EYS: variants seen among roughly 807,000 people sequenced by gnomAD.
EYS encodes the protein EGF-like photoreceptor maintenance factor.
A neutral mutation model predicts 282.1 loss-of-function variants in EYS; 250 were observed. That is an observed-to-expected ratio of 0.89 (90% CI 0.80 to 0.98). EYS has a LOEUF of 0.98. EYS is among the 50% of genes least tolerant of loss of function. The pLI is 0.00. For synonymous variants in EYS, 1,355 were observed against 1,282.9 expected (o/e 1.06, Z -1.20); for missense variants, 4,016 against 3,709.0 (o/e 1.08, Z -2.15).
At position 64,887,475 on chromosome 6, in the gene EYS, A is replaced by G. The variant is rs1767133883; in HGVS notation, c.2847-633T>C. Among the ~76,000 whole-genome samples the G allele has an allele frequency of 2.0e-5, 3 of 152,236 alleles. No individual in the cohort carries two copies. The South Asian group carries it at 6.2e-4, about 32-fold the overall frequency. On this transcript the variant is annotated intron_variant, in intron 18 of 42. Transcript: ENST00000503581. The stretch of plus-strand genomic sequence containing the variant: ...AAAAGAAATAATTTCCAAAGGAGAT[A>G]TTAAACTGATCGAAACTGTATACTT...
intron 12 of EYS, among the ~76,000 whole-genome samples, chr6:65,172,441 A>C (rs1424581750): frequency 1.3e-5 from 2 of 151,446 alleles, no homozygotes; most frequent in Non-Finnish European, 3.0e-5. Flanking sequence ...CCCAAAGCCT[A>C]TGATATTGGC....
At position 64,816,160 on chromosome 6, in the gene EYS, C is replaced by G. The variant is rs117415143; in HGVS notation, c.3244-2583G>C. 1.4e-4 allele frequency among the ~76,000 whole-genome samples: 22 copies of G among 152,202 alleles called. No homozygotes were observed. In the East Asian group the frequency reaches 4.1e-3, roughly 28 times the overall value. ...AGGGAAACAGATACAGAGAGAACTA[C>G]TATTTGAAGAGTGGGAACAGAACAC... On this transcript the variant is annotated intron_variant, in intron 21 of 42. Transcript: ENST00000503581.
intron 30 of EYS, among the ~76,000 whole-genome samples, chr6:64,269,118 T>C (rs539663669): frequency 1.5e-4 from 23 of 152,272 alleles, no homozygotes; most frequent in African/African-American, 5.5e-4. Context: ...TTCATCATTG[T>C]CTACCAACTA....
At chr6:64,724,459 C>T (rs1468025444) in intron 22 of EYS, among the ~76,000 whole-genome samples, 1 of 152,168 alleles carries the variant, frequency 6.6e-6, no homozygotes, top group African/African-American at 2.4e-5. Context: ...CTTCATATTT[C>T]ACAGACTCTT....
chr6:64,123,031 T>C (rs1457649376), intron 31 of EYS, among the ~76,000 whole-genome samples: 2 of 152,140 alleles, frequency 1.3e-5, no homozygotes, highest in African/African-American at 2.4e-5. Context: ...TTTAAAGAAT[T>C]TACAGTCTAA....
chr6:65,369,389 G>A (rs2150340246), intron 8 of EYS, among the ~76,000 whole-genome samples: 1 of 146,078 alleles, frequency 6.8e-6, no homozygotes, highest in Non-Finnish European at 1.5e-5. Context: ...AACAAAGCAA[G>A]AAAATAACAA....
intron 2 of EYS, among the ~76,000 whole-genome samples, chr6:65,527,614 C>G (rs1029233106): frequency 1.3e-5 from 2 of 152,240 alleles, no homozygotes; most frequent in African/African-American, 2.4e-5. Flanking sequence ...CAGATGCCTT[C>G]TCATCCAAAA....
chr6:64,392,739 C>T (rs928961427), intron 28 of EYS, among the ~76,000 whole-genome samples: 2 of 146,252 alleles, frequency 1.4e-5, no homozygotes, highest in Admixed American at 6.8e-5. Flanking sequence ...AGAGCAAACA[C>T]TTTCAAAAGC....
At chr6:65,195,515 A>T (rs1765743459) in intron 12 of EYS, among the ~76,000 whole-genome samples, 1 of 152,024 alleles carries the variant, frequency 6.6e-6, no homozygotes, top group African/African-American at 2.4e-5. Context: ...TTTAAAAAGA[A>T]CTCACAGTGA....
intron 26 of EYS, among the ~76,000 whole-genome samples, chr6:64,475,550 CAAAAAAAAA>C (rs56710433): frequency 1.4e-4 from 6 of 43,888 alleles, no homozygotes; most frequent in South Asian, 7.6e-4. Flanking sequence ...GACTCCGTCT[CAAAAAAAAA>C]AAAAAAAAAA....
At chr6:65,213,138 G>C (rs1177962910) in intron 12 of EYS, among the ~76,000 whole-genome samples, 2 of 151,996 alleles carry the variant, frequency 1.3e-5, no homozygotes, top group Non-Finnish European at 2.9e-5. Context: ...ATGTGATGCT[G>C]ATAAACTGAA....
chr6:64,963,927 T>G (rs138489653), intron 14 of EYS, among the ~76,000 whole-genome samples: 1 of 152,138 alleles, frequency 6.6e-6, no homozygotes, highest in Admixed American at 6.6e-5. Context: ...TACAATATAT[T>G]ATGTTGTACT....
chr6:63,924,936 G>C lies in EYS; in HGVS notation c.7055+59447C>G, dbSNP rs147034488. Among the ~76,000 whole-genome samples the C allele has an allele frequency of 2.5e-3, 376 of 152,320 alleles. 4 individuals are homozygous for C. The highest frequency in any genetic ancestry group is 0.021 in the Admixed American group (318 of 15,298). ...TGCCACTGATTGCGTGGGGAACTAA[G>C]AAGTGAGATTTTCTTCACCACTACC... On this transcript the variant is annotated intron_variant, in intron 35 of 42. Transcript: ENST00000503581.
chr6:65,224,230 A>T (rs1766556075), intron 12 of EYS, among the ~76,000 whole-genome samples: 1 of 152,194 alleles, frequency 6.6e-6, no homozygotes, highest in Non-Finnish European at 1.5e-5. Flanking sequence ...TAGGGATCAC[A>T]ATGAAATAAG....
intron 11 of EYS, among the ~76,000 whole-genome samples, chr6:65,319,204 CAAAAAAAAA>C (rs55687610): frequency 2.3e-5 from 1 of 44,396 alleles, no homozygotes; most frequent in Non-Finnish European, 4.0e-5. Context: ...ACTAAAAATG[CAAAAAAAAA>C]AAAAAAAAAA....
chr6:65,426,933 A>C (rs1327600549), intron 5 of EYS, among the ~76,000 whole-genome samples: 1 of 152,120 alleles, frequency 6.6e-6, no homozygotes, highest in Non-Finnish European at 1.5e-5. Context: ...TTTAATTATT[A>C]GAAGTTCTTA....
intron 12 of EYS, among the ~76,000 whole-genome samples, chr6:65,121,957 CACTAAA>C (rs1775566009): frequency 6.6e-6 from 1 of 151,718 alleles, no homozygotes; most frequent in Admixed American, 6.6e-5. Flanking sequence ...AAAAAAAGAA[CACTAAA>C]ACTAAATTTG....
intron 2 of EYS, among the ~76,000 whole-genome samples, chr6:65,584,296 G>A (rs1764967013): frequency 6.6e-6 from 1 of 152,054 alleles, no homozygotes; most frequent in South Asian, 2.1e-4. Flanking sequence ...ACAACAGTGG[G>A]AAGGGCGTTA....
Position 64,168,794 on chromosome 6 carries a change from G to T in EYS, c.6424+61798C>A, listed in dbSNP as rs150355070. Among the ~76,000 whole-genome samples the T allele has an allele frequency of 2.3e-3, 349 of 152,238 alleles. 9 individuals carry two copies. Among genetic ancestry groups the T allele is most frequent in the Admixed American group, 0.019 (295 of 15,296 alleles). On this transcript the variant is annotated intron_variant, in intron 31 of 42. Coordinates refer to ENST00000503581, the MANE Select transcript of EYS (RefSeq NM_001142800.2). ...GACACAAAGGGATTTTTTTGGGGGTGATGGAAATGTTCTAAAATTAGATTG... is the reference window on the plus strand; with the variant it reads ...GACACAAAGGGATTTTTTTGGGGGTTATGGAAATGTTCTAAAATTAGATTG...
Sources: allele counts gnomAD v4.1 joint callset (sites outside exome capture counted in the v4.1 genomes callset), GRCh38; gene constraint gnomAD v4.1.1; transcripts MANE v1.5; gene names NCBI Gene and HGNC (gene_info 2026-07-23, HGNC 2026-07-21).